The following FAAH2 variants were observed in gnomAD, a reference collection of about 807,000 sequenced individuals.
FAAH2 encodes fatty acid amide hydrolase 2.
A neutral mutation model predicts 36.9 loss-of-function variants in FAAH2; 60 were observed. The ratio of observed to expected loss-of-function variants is 1.63; its 90% CI spans 1.32 to 2.02. FAAH2 has a LOEUF of 2.02. Ranked by LOEUF, FAAH2 falls within the 30% of genes most tolerant of loss-of-function variation. The probability of loss-of-function intolerance (pLI) is 0.00; values close to 1 mark genes in which losing one functional copy is unlikely to be tolerated. For missense variants in FAAH2, 689 were observed against 397.5 expected (o/e 1.73, Z -6.23); for synonymous variants, 214 against 143.8 (o/e 1.49, Z -3.49).
chrX:57,290,109 A>G (rs762381418), intron 1 of FAAH2: 3 of 152,635 alleles, frequency 2.0e-5, no homozygotes, highest in Non-Finnish European at 3.4e-5. Flanking sequence ...GGAATATTTA[A>G]TGACATAATA....
At chrX:57,314,535 C>G (rs146898819) in intron 3 of FAAH2, among the ~76,000 whole-genome samples, 1,180 of 110,849 alleles carry the variant, frequency 0.011, 13 homozygotes, top group African/African-American at 0.037. Context: ...CACTCTTGGA[C>G]CAGAGTGAAA....
intron 3 of FAAH2, among the ~76,000 whole-genome samples, chrX:57,330,665 C>T (rs1002611774): frequency 3.6e-5 from 4 of 111,533 alleles, no homozygotes; most frequent in East Asian, 2.8e-4. Flanking sequence ...TGGGGCATCA[C>T]GGAACCTACC....
chrX:57,319,076 C>A (rs1025834503), intron 3 of FAAH2, among the ~76,000 whole-genome samples: 2 of 111,840 alleles, frequency 1.8e-5, no homozygotes, highest in Non-Finnish European at 3.8e-5. Context: ...ACTAAATGGG[C>A]AAAAACTGGA....
At chrX:57,332,138 G>A (rs2053426073) in intron 4 of FAAH2, among the ~76,000 whole-genome samples, 1 of 112,572 alleles carries the variant, frequency 8.9e-6, no homozygotes, top group Non-Finnish European at 1.9e-5. Context: ...TATTAAGCCT[G>A]AATGGATGCA....
chrX:57,474,324 T>G (rs2057225181), intron 10 of FAAH2, among the ~76,000 whole-genome samples: 1 of 110,767 alleles, frequency 9.0e-6, no homozygotes, highest in Admixed American at 9.7e-5. Context: ...AGCCCTGCAT[T>G]TATTAGGTAT....
chrX:57,476,442 C>A (rs750161480), intron 10 of FAAH2, among the ~76,000 whole-genome samples: 1 of 110,044 alleles, frequency 9.1e-6, no homozygotes, highest in African/African-American at 3.3e-5. Flanking sequence ...CTTTCTGCAT[C>A]TATCATGTGG....
chrX:57,125,223 G>T, the FAAH2 span, among the ~76,000 whole-genome samples: 1 of 112,941 alleles, frequency 8.9e-6, no homozygotes, highest in Non-Finnish European at 1.9e-5. Flanking sequence ...AAGTGCTGTT[G>T]AATTTTGTCA....
intron 3 of FAAH2, among the ~76,000 whole-genome samples, chrX:57,316,489 G>A (rs921781950): frequency 1.8e-5 from 2 of 111,732 alleles, no homozygotes; most frequent in African/African-American, 6.5e-5. Context: ...TAAAGCTACA[G>A]TCACCAAAAC....
At chrX:57,179,599 G>A in the FAAH2 span, among the ~76,000 whole-genome samples, 1 of 111,536 alleles carries the variant, frequency 9.0e-6, no homozygotes, top group African/African-American at 3.3e-5. Flanking sequence ...CCCAATACAG[G>A]AGCACCAAGA....
chrX:57,423,838 A>AT (rs2056095199), intron 7 of FAAH2, among the ~76,000 whole-genome samples: 1 of 110,921 alleles, frequency 9.0e-6, no homozygotes, highest in Non-Finnish European at 1.9e-5. Flanking sequence ...AGCCTAGCCC[A>AT]TTTTCTGAGA....
the FAAH2 span, among the ~76,000 whole-genome samples, chrX:57,201,852 T>A: frequency 8.9e-6 from 1 of 111,769 alleles, no homozygotes; most frequent in Non-Finnish European, 1.9e-5. Context: ...CTCCTCTGGC[T>A]TTGTATTTTC....
At chrX:57,444,894 T>C (rs890344499) in intron 8 of FAAH2, among the ~76,000 whole-genome samples, 6 of 112,133 alleles carry the variant, frequency 5.4e-5, no homozygotes, top group Non-Finnish European at 1.1e-4. Flanking sequence ...CTCTGCATTG[T>C]CTTTAAGTTC....
intron 1 of FAAH2, among the ~76,000 whole-genome samples, chrX:57,288,307 A>G (rs192111346): frequency 2.0e-5 from 2 of 99,983 alleles, no homozygotes; most frequent in East Asian, 6.1e-4. Context: ...TAGCTTTTCT[A>G]CGATCTAGCT....
chrX:57,482,427 T>A (rs187964402), intron 10 of FAAH2, among the ~76,000 whole-genome samples: 7 of 111,608 alleles, frequency 6.3e-5, no homozygotes, highest in African/African-American at 2.3e-4. Context: ...GTGAAAACCA[T>A]GGGAAAAGCA....
At chrX:57,179,518 G>A in the FAAH2 span, among the ~76,000 whole-genome samples, 1 of 111,997 alleles carries the variant, frequency 8.9e-6, no homozygotes, top group Non-Finnish European at 1.9e-5. Context: ...GATCAAATAA[G>A]ACAACAAACA....
intron 3 of FAAH2, among the ~76,000 whole-genome samples, chrX:57,311,706 C>A (rs1037196351): frequency 3.6e-5 from 4 of 112,388 alleles, no homozygotes; most frequent in Non-Finnish European, 5.6e-5. Flanking sequence ...CAGCTACTCC[C>A]AGCATCCATG....
intron 8 of FAAH2, among the ~76,000 whole-genome samples, chrX:57,439,916 A>T (rs865930140): frequency 1.8e-5 from 2 of 111,413 alleles, no homozygotes; most frequent in Middle Eastern, 4.6e-3. Context: ...GGTTGTAGAT[A>T]TGTGGCATTA....
chrX:57,329,309 G>A (rs899419153), intron 3 of FAAH2, among the ~76,000 whole-genome samples: 1 of 111,654 alleles, frequency 9.0e-6, no homozygotes, highest in African/African-American at 3.3e-5. Context: ...TACACTGGTG[G>A]CATTGTTATC....
chrX:57,259,317 C>G, the FAAH2 span, among the ~76,000 whole-genome samples: 1 of 111,701 alleles, frequency 9.0e-6, no homozygotes, highest in African/African-American at 3.2e-5. Context: ...ATCGTTGCAA[C>G]ATTATTTGCA....
Sources: allele counts gnomAD v4.1 joint callset (sites outside exome capture counted in the v4.1 genomes callset), GRCh38; gene constraint gnomAD v4.1.1; transcripts MANE v1.5; gene names NCBI Gene and HGNC (gene_info 2026-07-23, HGNC 2026-07-21).